CES5A: variants seen among roughly 807,000 people sequenced by gnomAD.
CES5A encodes carboxylesterase 5A.
In CES5A, 67 loss-of-function variants were observed where a neutral mutation model predicts 62.9. The ratio of observed to expected loss-of-function variants is 1.07; its 90% CI spans 0.88 to 1.31. CES5A has a LOEUF of 1.31. Ranked by LOEUF, CES5A falls within the 50% of genes most tolerant of loss-of-function variation. The pLI is 0.00. For synonymous variants in CES5A, 296 were observed against 280.8 expected (o/e 1.05, Z -0.54); for missense variants, 748 against 708.5 (o/e 1.06, Z -0.63).
chr16:55,873,918 G>C lies in CES5A; in HGVS notation c.193C>G (p.Pro65Ala). 1 of 1,613,916 alleles carries C rather than the reference G, an allele frequency of 6.2e-7. No homozygotes were observed. Among genetic ancestry groups the C allele is most frequent in the Non-Finnish European group, 8.5e-7 (1 of 1,180,012 alleles). ...NVFLGVPFAA[P>A]PLGSLRFTNP... The stretch of plus-strand genomic sequence containing the variant: ...GTAAATCGCAGGGATCCCAGCGGGG[G>C]AGCAGCAAAGGGGACTCCGAGGAAC... The change falls in exon 2 of 13, where the codon CCC (proline) becomes GCC (alanine). Residue 65 changes from proline to alanine, a missense_variant. By Grantham distance (27) the Pro-to-Ala change is conservative. Coordinates refer to ENST00000290567, the MANE Select transcript of CES5A (RefSeq NM_001143685.2).
intron 1 of CES5A, among the ~76,000 whole-genome samples, chr16:55,893,895 C>T (rs1360185211): frequency 6.6e-6 from 1 of 151,844 alleles, no homozygotes; most frequent in Non-Finnish European, 1.5e-5. Flanking sequence ...AAGATGAATA[C>T]CAATTTAAAT....
At position 55,915,259 on chromosome 16, in the gene CES5A, A is replaced by G. The variant is rs537207554; in HGVS notation, c.-256+10064T>C. On this transcript the variant is annotated intron_variant, in intron 1 of 12. Coordinates refer to the CES5A transcript ENST00000518005. ...TACATTTTAATCTGTCTAAGTGATC[A>G]ACCTGGCCAAGGCCCTAATTGGATG... Among the ~76,000 whole-genome samples the G allele has an allele frequency of 1.6e-4, 25 of 152,328 alleles. 1 individual carries two copies. In the South Asian group the frequency reaches 5.0e-3, roughly 30 times the overall value.
chr16:55,941,140 C>A (rs2034441345), intron 2 of CES5A, among the ~76,000 whole-genome samples: 1 of 151,734 alleles, frequency 6.6e-6, no homozygotes, highest in Non-Finnish European at 1.5e-5. Flanking sequence ...TACAGGAAGT[C>A]CTAGCTATTT....
At chr16:55,930,944 T>G (rs1388539149) in intron 2 of CES5A, among the ~76,000 whole-genome samples, 1 of 152,200 alleles carries the variant, frequency 6.6e-6, no homozygotes, top group Non-Finnish European at 1.5e-5. Flanking sequence ...AATTACATCC[T>G]ACTTCAAGAT....
At chr16:55,862,699 CAA>C (rs1177061381) in intron 6 of CES5A, among the ~76,000 whole-genome samples, 1 of 152,176 alleles carries the variant, frequency 6.6e-6, no homozygotes, top group Non-Finnish European at 1.5e-5. Flanking sequence ...GATTTATACT[CAA>C]GAGATGGCTG....
chr16:55,874,478 C>CT (rs35379811), intron 1 of CES5A, among the ~76,000 whole-genome samples: 29,652 of 146,516 alleles, frequency 0.2, 3,247 homozygotes, highest in East Asian at 0.51. Context: ...TTGCTGGCTT[C>CT]TTTTTTTTTT....
At chr16:55,948,905 A>G (rs1196702318) in intron 2 of CES5A, among the ~76,000 whole-genome samples, 1 of 152,210 alleles carries the variant, frequency 6.6e-6, no homozygotes, top group South Asian at 2.1e-4. Flanking sequence ...GAATAGATGT[A>G]GTTGCCATTT....
At chr16:55,931,164 T>A (rs2034307653) in intron 2 of CES5A, among the ~76,000 whole-genome samples, 1 of 152,244 alleles carries the variant, frequency 6.6e-6, no homozygotes, top group African/African-American at 2.4e-5. Context: ...CCCTCTGCTA[T>A]TCTTTCTTCA....
Position 55,846,698 on chromosome 16 carries a change from G to C in CES5A, c.1497-16C>G. On this transcript the variant is annotated splice_polypyrimidine_tract_variant and intron_variant, in intron 12 of 12. Transcript: ENST00000290567. ...ATTAGGATTCCTAGAAGGGAGAGCA[G>C]AAACAGGGGTGAGATTTTCCTCCTC... 1 of 1,613,700 alleles carries C rather than the reference G, an allele frequency of 6.2e-7. No homozygotes were observed. The highest frequency in any genetic ancestry group is 8.5e-7 in the Non-Finnish European group (1 of 1,179,634).
chr16:55,950,971 G>A (rs1422167278), intron 1 of CES5A, among the ~76,000 whole-genome samples: 2 of 151,668 alleles, frequency 1.3e-5, no homozygotes, highest in Admixed American at 6.6e-5. Flanking sequence ...GCGTGGTGGT[G>A]GGCGCCTGTA....
intron 1 of CES5A, among the ~76,000 whole-genome samples, chr16:55,910,841 G>A (rs2034085778): frequency 6.7e-6 from 1 of 148,588 alleles, no homozygotes; most frequent in African/African-American, 2.4e-5. Flanking sequence ...TTGCATCTTT[G>A]CCCTTGGGCT....
intron 1 of CES5A, among the ~76,000 whole-genome samples, chr16:55,883,474 C>G (rs538575628): frequency 3.2e-4 from 48 of 152,028 alleles, no homozygotes; most frequent in Non-Finnish European, 1.2e-4. Context: ...AAGGTTTCAC[C>G]ATGTTGGCCA....
intron 1 of CES5A, among the ~76,000 whole-genome samples, chr16:55,894,222 T>C (rs2033908417): frequency 6.6e-6 from 1 of 152,024 alleles, no homozygotes; most frequent in Admixed American, 6.6e-5. Flanking sequence ...CTGTAAGGAA[T>C]AATAGGCTGG....
intron 1 of CES5A, among the ~76,000 whole-genome samples, chr16:55,911,643 T>C (rs2034093719): frequency 1.3e-5 from 2 of 152,228 alleles, no homozygotes; most frequent in Middle Eastern, 3.2e-3. Flanking sequence ...CTTATGGGTT[T>C]TCTATTCTGC....
intron 1 of CES5A, among the ~76,000 whole-genome samples, chr16:55,894,369 G>A (rs1258287119): frequency 2.1e-4 from 32 of 151,750 alleles, no homozygotes; most frequent in Admixed American, 1.9e-3. Flanking sequence ...TCAGCCAGGC[G>A]TGGTGGCAGG....
intron 5 of CES5A, among the ~76,000 whole-genome samples, chr16:55,865,613 T>G (rs1329079694): frequency 6.6e-5 from 10 of 152,240 alleles, no homozygotes; most frequent in African/African-American, 2.4e-4. Flanking sequence ...AATATTTACA[T>G]GTATCTTTTG....
chr16:55,897,665 A>C (rs1403966320), intron 1 of CES5A, among the ~76,000 whole-genome samples: 1 of 152,236 alleles, frequency 6.6e-6, no homozygotes, highest in South Asian at 2.1e-4. Flanking sequence ...CTAAGATCCC[A>C]CATGGGACAG....
Position 55,853,150 on chromosome 16 carries a change from G to A in CES5A, c.1126-122C>T, listed in dbSNP as rs538843494. 7.5e-6 allele frequency: 7 copies of A among 930,024 alleles called. No homozygotes were observed. In the East Asian group the frequency reaches 1.8e-4, roughly 24 times the overall value. The allele number at this position is 930,024 out of a possible 1,614,324, so 57.6% of individuals were successfully genotyped here. ...CACATTGCTTCATTTAACCCACACAGCAACCCTATGATGCAAGTATCAAAA... is the reference window on the plus strand; with the variant it reads ...CACATTGCTTCATTTAACCCACACAACAACCCTATGATGCAAGTATCAAAA... On this transcript the variant is annotated intron_variant, in intron 9 of 12. Transcript: ENST00000290567.
Position 55,846,344 on chromosome 16 carries a change from T to C in CES5A, c.*107A>G. On this transcript the variant is annotated 3_prime_UTR_variant, in exon 13 of 13. Coordinates refer to ENST00000290567, the MANE Select transcript of CES5A (RefSeq NM_001143685.2). Reference sequence around the variant, plus strand: ...ATAAAATATCAGCGAAAGCAGCTTGTTTTGCAAGGATCCCCATAGAAAGCA... The same window carrying C: ...ATAAAATATCAGCGAAAGCAGCTTGCTTTGCAAGGATCCCCATAGAAAGCA... 2 of 824,406 alleles carry C rather than the reference T, an allele frequency of 2.4e-6. No homozygotes were observed. The highest frequency in any genetic ancestry group is 3.9e-6 in the Non-Finnish European group (2 of 511,244). 51.1% of individuals were successfully genotyped at this position (824,406 alleles called of 1,614,324 possible). A position where few individuals can be genotyped will look rare whatever the true frequency, so the allele number is the denominator to read the frequency against.
Sources: allele counts gnomAD v4.1 joint callset (sites outside exome capture counted in the v4.1 genomes callset), GRCh38; gene constraint gnomAD v4.1.1; transcripts MANE v1.5; gene names NCBI Gene and HGNC (gene_info 2026-07-23, HGNC 2026-07-21).